Variants in SNHG17 observed in about 807,000 individuals in gnomAD.
The protein encoded by SNHG17 is small nucleolar RNA host gene 17.
chr20:38,432,236 G>C (rs2084351813), intron 2 of SNHG17: 15 of 880,670 alleles, frequency 1.7e-5, no homozygotes, highest in Non-Finnish European at 1.9e-5. Context: ...GCAACACGAA[G>C]AGTTCATCTA....
chr20:38,425,931 G>T (rs1335441091), intron 5 of SNHG17: 1 of 152,258 alleles, frequency 6.6e-6, no homozygotes, highest in Non-Finnish European at 1.5e-5. Flanking sequence ...GCAGCAGCAC[G>T]TACCTGTGGT....
At chr20:38,423,396 G>A (rs1461493347) in intron 5 of SNHG17, among the ~76,000 whole-genome samples, 1 of 147,316 alleles carries the variant, frequency 6.8e-6, no homozygotes, top group Non-Finnish European at 1.5e-5. Flanking sequence ...CAGCCTGGGT[G>A]ACAGAGGGAG....
At chr20:38,432,540 T>C (rs983057893) in intron 2 of SNHG17, among the ~76,000 whole-genome samples, 2 of 152,092 alleles carry the variant, frequency 1.3e-5, no homozygotes, top group Admixed American at 1.3e-4. Context: ...GGGAAATTAA[T>C]CCTGGTGGCC....
chr20:38,434,697 C>T, intron 1 of SNHG17: 1 of 301,994 alleles, frequency 3.3e-6, no homozygotes, highest in Non-Finnish European at 4.9e-6. Context: ...GACTCTGCCC[C>T]ACTGGAGTGC....
intron 5 of SNHG17, among the ~76,000 whole-genome samples, chr20:38,425,776 C>T (rs113650118): frequency 2.0e-5 from 3 of 152,122 alleles, no homozygotes; most frequent in African/African-American, 7.2e-5. Context: ...ATCCACACGT[C>T]GGCCAGGCCT....
chr20:38,427,415 C>G (rs1419992014), intron 3 of SNHG17: 2 of 518,282 alleles, frequency 3.9e-6, no homozygotes, highest in Admixed American at 1.9e-5. Flanking sequence ...TAGGCACAGG[C>G]AGCCTATGAT....
Position 38,426,238 on chromosome 20 carries a change from G to A in SNHG17, n.465+181C>T, listed in dbSNP as rs183175812. Among the ~76,000 whole-genome samples, 10 of 152,168 alleles carry A rather than the reference G, an allele frequency of 6.6e-5. No individual in the cohort carries two copies. In the East Asian group the frequency reaches 7.7e-4, roughly 12 times the overall value. On this transcript the variant is annotated intron_variant and non_coding_transcript_variant, in intron 4 of 8. Coordinates refer to ENST00000654008, the Ensembl canonical transcript of SNHG17. Reference sequence around the variant, plus strand: ...CAAGGGGAGCTCTGTAAGCCCCACCGTGATTCACACAGTGGAGTCGCAGAG... The same window carrying A: ...CAAGGGGAGCTCTGTAAGCCCCACCATGATTCACACAGTGGAGTCGCAGAG...
intron 5 of SNHG17, among the ~76,000 whole-genome samples, chr20:38,423,169 GAAGGATGGT>G (rs915911552): frequency 6.6e-6 from 1 of 151,620 alleles, no homozygotes; most frequent in Non-Finnish European, 1.5e-5. Context: ...AGCGAAAGCA[GAAGGATGGT>G]TTAAGCCCAG....
intron 6 of SNHG17, chr20:38,422,086 C>T (rs1278160675): frequency 6.6e-6 from 1 of 152,416 alleles, no homozygotes; most frequent in Admixed American, 6.5e-5. Context: ...GGGGAGCTCA[C>T]TTTACCCACG....
chr20:38,429,593 C>A lies in SNHG17; in HGVS notation n.380+1448G>T, dbSNP rs73289201. Reference sequence around the variant, plus strand: ...ATGTCTCACAATAACTGCCCTGGGCCAGGGAGAAGAGCAACACAACCCACT... The same window carrying A: ...ATGTCTCACAATAACTGCCCTGGGCAAGGGAGAAGAGCAACACAACCCACT... On this transcript the variant is annotated intron_variant and non_coding_transcript_variant, in intron 3 of 8. Transcript: ENST00000654008. 5.6e-4 allele frequency: 236 copies of A among 418,938 alleles called. 1 individual carries two copies. The highest frequency in any genetic ancestry group is 4.9e-3 in the African/African-American group (230 of 47,268). The allele number at this position is 418,938 out of a possible 1,614,324, so 26.0% of individuals were successfully genotyped here. A position where few individuals can be genotyped will look rare whatever the true frequency, so the allele number is the denominator to read the frequency against.
chr20:38,424,125 G>A (rs569346072), intron 5 of SNHG17, among the ~76,000 whole-genome samples: 121 of 150,544 alleles, frequency 8.0e-4, no homozygotes, highest in Non-Finnish European at 1.3e-3. Context: ...AGCCGTGTTT[G>A]CACCACTGCA....
intron 2 of SNHG17, chr20:38,432,192 A>G (rs1167850522): frequency 1.0e-6 from 1 of 985,182 alleles, no homozygotes; most frequent in Non-Finnish European, 1.2e-6. Context: ...ATTTCCTAAA[A>G]GTTGGCTAGT....
At chr20:38,432,437 G>A (rs1489413289) in intron 2 of SNHG17, among the ~76,000 whole-genome samples, 4 of 152,116 alleles carry the variant, frequency 2.6e-5, no homozygotes, top group African/African-American at 7.2e-5. Flanking sequence ...TGTCATCTGC[G>A]GGTCAGGGCT....
chr20:38,428,523 T>C (rs189434633), intron 3 of SNHG17: 9 of 152,394 alleles, frequency 5.9e-5, no homozygotes, highest in Admixed American at 3.3e-4. Flanking sequence ...CAGTGTTGCA[T>C]AGATGCTGAC....
intron 3 of SNHG17, chr20:38,427,567 TA>T: frequency 3.9e-6 from 1 of 255,172 alleles, no homozygotes; most frequent in Non-Finnish European, 8.1e-6. Flanking sequence ...CCATAAAACC[TA>T]ACCACCAAGG....
At chr20:38,431,952 A>C in intron 2 of SNHG17, 1 of 972,692 alleles carries the variant, frequency 1.0e-6, no homozygotes, top group Non-Finnish European at 1.2e-6. Flanking sequence ...GCATGCACCC[A>C]CCCTTGTGGG....
intron 1 of SNHG17, chr20:38,434,715 G>A: frequency 2.4e-6 from 1 of 410,110 alleles, no homozygotes; most frequent in Non-Finnish European, 3.3e-6. Flanking sequence ...TGCTGGCAGC[G>A]TCTTCCATTT....
intron 4 of SNHG17, chr20:38,426,372 G>A (rs752774): frequency 0.23 from 35,605 of 152,300 alleles, 5,264 homozygotes; most frequent in African/African-American, 0.43. Flanking sequence ...TCGTCCTTGC[G>A]GCCTGAACAC....
chr20:38,427,001 C>T lies in SNHG17; in HGVS notation n.381-498G>A, dbSNP rs1024630089. 3.6e-5 allele frequency among the ~76,000 whole-genome samples: 5 copies of T among 137,320 alleles called. 1 individual carries two copies. Among genetic ancestry groups the T allele is most frequent in the South Asian group, 2.3e-4 (1 of 4,406 alleles). 90.1% of individuals were successfully genotyped at this position (137,320 alleles called of 152,430 possible). ...CCTGTCCCCAAGTTACACATACACACACACACACACACACACACACACACA... is the reference window on the plus strand; with the variant it reads ...CCTGTCCCCAAGTTACACATACACATACACACACACACACACACACACACA... On this transcript the variant is annotated intron_variant and non_coding_transcript_variant, in intron 3 of 8. Transcript: ENST00000654008.
Sources: allele counts gnomAD v4.1 joint callset (sites outside exome capture counted in the v4.1 genomes callset), GRCh38; gene constraint gnomAD v4.1.1; transcripts MANE v1.5; gene names NCBI Gene and HGNC (gene_info 2026-07-23, HGNC 2026-07-21).